The following MICU2 variants were observed in gnomAD, a reference collection of about 807,000 sequenced individuals.
The protein encoded by MICU2 is mitochondrial calcium uptake 2, also known as calcium uptake protein 2, mitochondrial.
A neutral mutation model predicts 60.4 loss-of-function variants in MICU2; 64 were observed. The observed-to-expected ratio is 1.06, with a 90% confidence interval of 0.87 to 1.31. The LOEUF (loss-of-function observed/expected upper bound fraction) is 1.31, where lower values mean the gene tolerates loss of function less well. MICU2 is among the 50% of genes most tolerant of loss of function. MICU2 has a pLI of 0.00. For synonymous variants in MICU2, 201 were observed against 175.0 expected (o/e 1.15, Z -1.17); for missense variants, 569 against 531.0 (o/e 1.07, Z -0.70).
At chr13:21,546,219 A>G (rs912800378) in intron 2 of MICU2, among the ~76,000 whole-genome samples, 7 of 151,898 alleles carry the variant, frequency 4.6e-5, no homozygotes, top group African/African-American at 1.7e-4. Context: ...ATTCCCTAAA[A>G]TGCCTAAAAC....
At chr13:21,603,816 T>A (rs1281241246) in intron 1 of MICU2, 123 bp downstream of exon 1, 1 of 1,112,650 alleles carries the variant, frequency 9.0e-7, no homozygotes. Context: ...GGCGCTCCGA[T>A]CCGCAGCGGC....
chr13:21,583,251 T>C (rs192186077), intron 1 of MICU2, among the ~76,000 whole-genome samples: 81 of 152,116 alleles, frequency 5.3e-4, no homozygotes, highest in Middle Eastern at 3.4e-3. Context: ...TCTATATAAG[T>C]AGAAAACAAA....
At chr13:21,601,505 A>G (rs907720636) in intron 1 of MICU2, among the ~76,000 whole-genome samples, 8 of 152,260 alleles carry the variant, frequency 5.3e-5, no homozygotes, top group Non-Finnish European at 1.0e-4. Flanking sequence ...TTTAGCTAAG[A>G]TTAAACTTAC....
intron 2 of MICU2, among the ~76,000 whole-genome samples, chr13:21,542,644 C>A (rs1330732417): frequency 6.6e-6 from 1 of 152,082 alleles, no homozygotes; most frequent in Non-Finnish European, 1.5e-5. Context: ...AAGAAAAACA[C>A]ATTAGGGGTT....
chr13:21,566,626 T>A (rs1038344843), intron 2 of MICU2, among the ~76,000 whole-genome samples, 171 bp downstream of exon 2: 1 of 152,094 alleles, frequency 6.6e-6, no homozygotes, highest in Admixed American at 6.5e-5. Context: ...CAACTATTTC[T>A]AAGATAAATA....
chr13:21,565,602 G>A (rs1171708933), intron 2 of MICU2, among the ~76,000 whole-genome samples: 1 of 152,264 alleles, frequency 6.6e-6, no homozygotes, highest in East Asian at 1.9e-4. Flanking sequence ...AGGTTGCAGT[G>A]AGCCAAGATC....
chr13:21,596,150 T>C (rs1888686387), intron 1 of MICU2, among the ~76,000 whole-genome samples: 1 of 152,172 alleles, frequency 6.6e-6, no homozygotes. Context: ...TGATTGTCAC[T>C]TCCATTCAGT....
At chr13:21,507,534 T>G (rs555566055) in intron 8 of MICU2, among the ~76,000 whole-genome samples, 10 of 152,162 alleles carry the variant, frequency 6.6e-5, no homozygotes, top group Non-Finnish European at 1.3e-4. Flanking sequence ...CTAGAGAGCT[T>G]AAATGACTCA....
At chr13:21,505,464 T>C (rs1173253352) in intron 8 of MICU2, among the ~76,000 whole-genome samples, 2 of 152,208 alleles carry the variant, frequency 1.3e-5, no homozygotes, top group African/African-American at 2.4e-5. Flanking sequence ...TATCTGCTGC[T>C]TTCATAACAA....
At chr13:21,575,729 CAAAAAAAAA>C (rs10557584) in intron 1 of MICU2, among the ~76,000 whole-genome samples, 59 of 48,058 alleles carry the variant, frequency 1.2e-3, no homozygotes, top group Non-Finnish European at 1.8e-3. Flanking sequence ...GACTCTGTCT[CAAAAAAAAA>C]AAAAAAAAAA....
At chr13:21,561,356 C>A (rs1423206440) in intron 2 of MICU2, among the ~76,000 whole-genome samples, 1 of 152,076 alleles carries the variant, frequency 6.6e-6, no homozygotes, top group African/African-American at 2.4e-5. Context: ...TATTGGTTTT[C>A]TGTCTGCTGA....
intron 2 of MICU2, among the ~76,000 whole-genome samples, chr13:21,563,127 T>C (rs2476639): frequency 6.6e-6 from 1 of 152,108 alleles, no homozygotes; most frequent in East Asian, 1.9e-4. Context: ...CTTCTTTGGC[T>C]TCTTTCAAGA....
chr13:21,530,816 CA>C, intron 4 of MICU2: 1 of 727,596 alleles, frequency 1.4e-6, no homozygotes, highest in Non-Finnish European at 2.4e-6. Context: ...CGAGGCCAGG[CA>C]AGCCGTGGTG....
At chr13:21,519,685 T>A (rs17622791) in intron 6 of MICU2, among the ~76,000 whole-genome samples, 47,870 of 152,048 alleles carry the variant, frequency 0.31, 8,623 homozygotes, top group South Asian at 0.41. Flanking sequence ...TTGCTTGCTA[T>A]TCTTGTCCAT....
chr13:21,518,377 G>A (rs1258133777), intron 6 of MICU2, among the ~76,000 whole-genome samples: 3 of 152,112 alleles, frequency 2.0e-5, no homozygotes, highest in Non-Finnish European at 4.4e-5. Flanking sequence ...TACGGACTTT[G>A]TGATTTGGCC....
intron 6 of MICU2, 97 bp from the exon 7 acceptor site, chr13:21,514,515 C>A: frequency 1.2e-6 from 1 of 802,888 alleles, no homozygotes; most frequent in Non-Finnish European, 2.0e-6. Context: ...AAAATATATA[C>A]TAGTTATTTG....
intron 8 of MICU2, among the ~76,000 whole-genome samples, chr13:21,504,729 A>T (rs1886253545): frequency 1.3e-5 from 2 of 152,186 alleles, no homozygotes. Context: ...GGAATTGTTT[A>T]GGCAGTGTTG....
At chr13:21,559,584 G>A (rs966692314) in intron 2 of MICU2, among the ~76,000 whole-genome samples, 7 of 151,534 alleles carry the variant, frequency 4.6e-5, no homozygotes, top group African/African-American at 1.7e-4. Context: ...AAGTGCAGTG[G>A]TGCGATCTGG....
At chr13:21,570,868 C>T (rs1427700692) in intron 1 of MICU2, among the ~76,000 whole-genome samples, 1 of 152,222 alleles carries the variant, frequency 6.6e-6, no homozygotes, top group African/African-American at 2.4e-5. Context: ...GGTCCAAATG[C>T]TGCTAATTTA....
Sources: gnomAD v4.1 joint callset for allele counts (sites outside exome capture counted in the v4.1 genomes callset) on GRCh38, gnomAD v4.1.1 for gene constraint, MANE v1.5 for transcripts, NCBI Gene and HGNC (gene_info 2026-07-23, HGNC 2026-07-21) for gene names.